Variants in GASK1B observed in about 807,000 individuals in gnomAD.
GASK1B encodes the protein Golgi-associated kinase 1B.
GASK1B carries 34 observed loss-of-function variants against 42.8 expected under a neutral mutation model. That is an observed-to-expected ratio of 0.79 (90% confidence interval 0.60 to 1.06). The LOEUF (loss-of-function observed/expected upper bound fraction) is 1.06. GASK1B is among the 50% of genes least tolerant of loss of function. The pLI, the probability that GASK1B is intolerant of heterozygous loss-of-function variation, is 0.00. For missense variants in GASK1B, 686 were observed against 661.0 expected (o/e 1.04, Z -0.42); for synonymous variants, 262 against 259.1 (o/e 1.01, Z -0.11).
chr4:158,154,038 CT>C, intron 3 of GASK1B, among the ~76,000 whole-genome samples: 1 of 151,950 alleles, frequency 6.6e-6, no homozygotes, highest in Admixed American at 6.6e-5. Flanking sequence ...TAAAAGGCTT[CT>C]GCATAGCAAA....
chr4:158,128,617 T>C (rs1222328684), intron 4 of GASK1B, among the ~76,000 whole-genome samples: 2 of 152,196 alleles, frequency 1.3e-5, no homozygotes, highest in Non-Finnish European at 2.9e-5. Context: ...GAGTACACTT[T>C]GCCAGAAATT....
At chr4:158,153,253 C>T (rs1210337998) in intron 3 of GASK1B, among the ~76,000 whole-genome samples, 3 of 152,012 alleles carry the variant, frequency 2.0e-5, no homozygotes, top group Admixed American at 6.6e-5. Context: ...TTTACAATAG[C>T]TGCAAAAAAT....
intron 4 of GASK1B, among the ~76,000 whole-genome samples, chr4:158,129,723 A>C (rs1459456635): frequency 6.6e-6 from 1 of 152,136 alleles, no homozygotes; most frequent in African/African-American, 2.4e-5. Flanking sequence ...AGACTTGCTC[A>C]TGAGGTTTCC....
intron 3 of GASK1B, among the ~76,000 whole-genome samples, chr4:158,147,610 CAAA>C (rs11337957): frequency 3.9e-5 from 5 of 128,704 alleles, no homozygotes; most frequent in Admixed American, 7.7e-5. Context: ...GACTCTGTCC[CAAA>C]AAAAAAAAAA....
In GASK1B at chr4:158,170,966, G is replaced by A. The variant is rs960814724; in HGVS notation, c.410C>T (p.Ser137Leu). The A allele has an allele frequency of 5.0e-6, 8 of 1,614,092 alleles. No homozygotes were observed. The highest frequency in any genetic ancestry group is 6.8e-6 in the Non-Finnish European group (8 of 1,180,054). Residue 137 changes from serine (S) to leucine (L), a missense_variant, in exon 2 of 5, where the codon TCG (serine) becomes TTG (leucine). Coordinates refer to ENST00000585682, the MANE Select transcript of GASK1B (RefSeq NM_001128424.2). ...PKRRKKHAVA[S>L]AAPGQEALVG... Reference sequence around the variant, plus strand: ...CAAAGCCTCCTGCCCTGGGGCAGCCGATGCCACTGCATGCTTTTTCCTGCG... The same window carrying A: ...CAAAGCCTCCTGCCCTGGGGCAGCCAATGCCACTGCATGCTTTTTCCTGCG...
chr4:158,154,922 A>T (rs1330381348), intron 3 of GASK1B, among the ~76,000 whole-genome samples: 1 of 152,194 alleles, frequency 6.6e-6, no homozygotes, highest in Admixed American at 6.5e-5. Flanking sequence ...TGATCAGTTG[A>T]TGGGTACACC....
chr4:158,158,185 T>G (rs1251855133), intron 2 of GASK1B, among the ~76,000 whole-genome samples: 1 of 152,152 alleles, frequency 6.6e-6, no homozygotes, highest in African/African-American at 2.4e-5. Context: ...ACAACATACA[T>G]TCAAAACTGA....
chr4:158,171,566 T>A lies in GASK1B; in HGVS notation c.-191A>T. ...TTCTGACACAACAAACCTTTTAAATTATCAGTCTCCCCAAGGAGAAATGCG... is the reference window on the plus strand; with the variant it reads ...TTCTGACACAACAAACCTTTTAAATAATCAGTCTCCCCAAGGAGAAATGCG... On this transcript the variant is annotated 5_prime_UTR_variant, in exon 2 of 5. Coordinates refer to ENST00000585682, the MANE Select transcript of GASK1B (RefSeq NM_001128424.2). 1 of 508,556 alleles carries A rather than the reference T, an allele frequency of 2.0e-6. No homozygotes were observed. The highest frequency in any genetic ancestry group is 3.3e-6 in the Non-Finnish European group (1 of 303,004). 31.5% of individuals were successfully genotyped at this position (508,556 alleles called of 1,614,324 possible).
intron 3 of GASK1B, among the ~76,000 whole-genome samples, chr4:158,154,951 G>A (rs1399395413): frequency 2.6e-5 from 4 of 151,904 alleles, no homozygotes; most frequent in South Asian, 2.1e-4. Flanking sequence ...AGAAATCACC[G>A]CTAAATAATG....
intron 2 of GASK1B, chr4:158,159,577 G>C: frequency 2.3e-6 from 1 of 438,824 alleles, no homozygotes; most frequent in East Asian, 7.1e-5. Context: ...TCAAAATGAT[G>C]CAGTACTGGA....
chr4:158,149,986 G>A (rs986279087), intron 3 of GASK1B, among the ~76,000 whole-genome samples: 2 of 130,008 alleles, frequency 1.5e-5, no homozygotes, highest in East Asian at 2.5e-4. Context: ...GTGCAGTGGC[G>A]CGATCTCGGC....
intron 2 of GASK1B, among the ~76,000 whole-genome samples, chr4:158,162,843 C>G (rs1042048343): frequency 2.0e-5 from 3 of 152,186 alleles, no homozygotes; most frequent in African/African-American, 7.2e-5. Flanking sequence ...CCCCATGCTA[C>G]AGTCATTGGA....
chr4:158,142,793 T>C (rs1731186938), intron 3 of GASK1B, among the ~76,000 whole-genome samples: 1 of 152,026 alleles, frequency 6.6e-6, no homozygotes, highest in South Asian at 2.1e-4. Context: ...ATAGGGAACA[T>C]AGACAAAGGA....
At chr4:158,159,270 G>A (rs922614658) in intron 2 of GASK1B, among the ~76,000 whole-genome samples, 4 of 152,172 alleles carry the variant, frequency 2.6e-5, no homozygotes, top group Admixed American at 2.0e-4. Flanking sequence ...GACAGACTGA[G>A]TCACAGATGG....
chr4:158,168,403 G>A (rs192112286), intron 2 of GASK1B: 7 of 152,268 alleles, frequency 4.6e-5, no homozygotes, highest in Non-Finnish European at 1.0e-4. Flanking sequence ...GTCCTATCAC[G>A]TAACGAAGTA....
chr4:158,154,460 A>C (rs1200220143), intron 3 of GASK1B, among the ~76,000 whole-genome samples: 1 of 152,134 alleles, frequency 6.6e-6, no homozygotes, highest in Non-Finnish European at 1.5e-5. Flanking sequence ...AAGATTCCTT[A>C]AAGAACTAAA....
rs1229804029 is a variant in GASK1B, at chr4:158,130,828, C to T, written c.1310G>A (p.Ser437Asn). ...FIDNKGFFDR[S>N]EDNLNFKLLE... The stretch of plus-strand genomic sequence containing the variant: ...CAATTTGAAGTTTAAGTTATCTTCA[C>T]TCCTGTCAAAGAAACCCTTGTTGTC... The change falls in exon 4 of 5, where the codon AGT becomes AAT. Residue 437 changes from serine (S) to asparagine (N), a missense_variant. Coordinates refer to ENST00000585682, the MANE Select transcript of GASK1B (RefSeq NM_001128424.2). 1.2e-6 allele frequency: 2 copies of T among 1,613,692 alleles called. No homozygotes were observed. Among genetic ancestry groups the T allele is most frequent in the Non-Finnish European group, 1.7e-6 (2 of 1,179,934 alleles).
intron 3 of GASK1B, among the ~76,000 whole-genome samples, chr4:158,145,994 TTTTA>T (rs966701101): frequency 1.3e-5 from 2 of 152,254 alleles, no homozygotes; most frequent in East Asian, 1.9e-4. Context: ...ATTAAATATT[TTTTA>T]TTTGTTTGAT....
chr4:158,133,917 G>A (rs1011988903), intron 3 of GASK1B, among the ~76,000 whole-genome samples: 13 of 146,808 alleles, frequency 8.9e-5, no homozygotes, highest in African/African-American at 2.2e-4. Flanking sequence ...GTGTGTGTGT[G>A]CGCGTGCACG....
Sources: allele counts gnomAD v4.1 joint callset (sites outside exome capture counted in the v4.1 genomes callset), GRCh38; gene constraint gnomAD v4.1.1; transcripts MANE v1.5; gene names NCBI Gene and HGNC (gene_info 2026-07-23, HGNC 2026-07-21).